Variants in RBFOX2 observed in about 807,000 individuals in gnomAD.
The protein encoded by RBFOX2 is RNA binding protein fox-1 homolog 2.
Under a neutral mutation model 49.1 loss-of-function variants are expected in RBFOX2, and 10 were observed. The observed-to-expected ratio is 0.20, with a 90% CI of 0.13 to 0.35. The LOEUF (loss-of-function observed/expected upper bound fraction) is 0.35, where lower values mean the gene tolerates loss of function less well. Ranked by LOEUF, RBFOX2 falls within the 10% of genes least tolerant of loss-of-function variation. The pLI is 1.00. For synonymous variants in RBFOX2, 183 were observed against 187.4 expected (o/e 0.98, Z 0.19); for missense variants, 323 against 486.9 (o/e 0.66, Z 3.17).
intron 4 of RBFOX2, among the ~76,000 whole-genome samples, chr22:35,775,647 C>G (rs1166386598): frequency 1.3e-5 from 2 of 151,902 alleles, no homozygotes; most frequent in Non-Finnish European, 2.9e-5. Flanking sequence ...TGAGACCAGC[C>G]TGGCCAACAT....
At chr22:35,819,315 T>C (rs950858318) in intron 1 of RBFOX2, among the ~76,000 whole-genome samples, 1 of 152,178 alleles carries the variant, frequency 6.6e-6, no homozygotes, top group African/African-American at 2.4e-5. Flanking sequence ...TTAAGATACA[T>C]ATAAGGCTAT....
At chr22:35,784,321 C>A (rs1475028412) in intron 2 of RBFOX2, among the ~76,000 whole-genome samples, 1 of 152,180 alleles carries the variant, frequency 6.6e-6, no homozygotes, top group South Asian at 2.1e-4. Flanking sequence ...CGAAGTCACA[C>A]CACTTCTGGA....
upstream of RBFOX2, among the ~76,000 whole-genome samples, chr22:35,941,771 G>A (rs1249732389): frequency 1.3e-5 from 2 of 152,118 alleles, no homozygotes; most frequent in Non-Finnish European, 2.9e-5. Flanking sequence ...AGCCAGTATT[G>A]TCAAAAACTT....
At chr22:35,821,471 C>T (rs1438645423) in intron 1 of RBFOX2, among the ~76,000 whole-genome samples, 7 of 151,836 alleles carry the variant, frequency 4.6e-5, no homozygotes. Context: ...TGGAGGACAC[C>T]TGCAATCCCA....
intron 1 of RBFOX2, among the ~76,000 whole-genome samples, chr22:36,007,085 A>G (rs999566753): frequency 6.6e-6 from 1 of 152,196 alleles, no homozygotes; most frequent in African/African-American, 2.4e-5. Context: ...CTTCTTCTCA[A>G]TCCACTTTAT....
chr22:35,840,348 C>T (rs551408435), exon 1 of RBFOX2: 11 of 1,557,816 alleles, frequency 7.1e-6, no homozygotes, highest in East Asian at 2.3e-5. Context: ...CTCTTTATAC[C>T]GTTTTCCTTC....
intron 1 of RBFOX2, among the ~76,000 whole-genome samples, chr22:35,983,637 C>CA (rs960569252): frequency 6.6e-6 from 1 of 152,026 alleles, no homozygotes; most frequent in Non-Finnish European, 1.5e-5. Context: ...TACGGCTACA[C>CA]AAAAAAATTT....
intron 4 of RBFOX2, among the ~76,000 whole-genome samples, chr22:35,771,477 A>C (rs1942660115): frequency 6.6e-6 from 1 of 152,156 alleles, no homozygotes; most frequent in Non-Finnish European, 1.5e-5. Flanking sequence ...TGTGAGAGCC[A>C]TTTTGGACTT....
upstream of RBFOX2, among the ~76,000 whole-genome samples, chr22:35,940,885 G>A (rs2053622963): frequency 6.6e-6 from 1 of 152,108 alleles, no homozygotes; most frequent in Non-Finnish European, 1.5e-5. Flanking sequence ...ATTATTCATA[G>A]AGGCAGAATA....
At chr22:35,860,823 A>T (rs1175141351) in intron 1 of RBFOX2, among the ~76,000 whole-genome samples, 1 of 152,210 alleles carries the variant, frequency 6.6e-6, no homozygotes, top group Admixed American at 6.5e-5. Context: ...TCAACACAGT[A>T]TATCTCTCCA....
intron 1 of RBFOX2, among the ~76,000 whole-genome samples, chr22:35,863,387 A>C (rs1300314499): frequency 6.6e-6 from 1 of 152,214 alleles, no homozygotes; most frequent in Non-Finnish European, 1.5e-5. Flanking sequence ...CAAAGCAGGC[A>C]ACATGTTCTC....
chr22:35,857,052 G>GA (rs2042596126), intron 1 of RBFOX2, among the ~76,000 whole-genome samples: 1 of 152,116 alleles, frequency 6.6e-6, no homozygotes, highest in Non-Finnish European at 1.5e-5. Flanking sequence ...AAAAGAGAAA[G>GA]AAATATGCAA....
intron 1 of RBFOX2, among the ~76,000 whole-genome samples, chr22:35,811,348 T>C (rs1951829528): frequency 6.6e-6 from 1 of 152,102 alleles, no homozygotes; most frequent in Admixed American, 6.6e-5. Flanking sequence ...ATTAAAGTGA[T>C]GTCATGAGGG....
chr22:35,972,190 G>T (rs1160980508), intron 1 of RBFOX2, among the ~76,000 whole-genome samples: 1 of 151,888 alleles, frequency 6.6e-6, no homozygotes, highest in Non-Finnish European at 1.5e-5. Flanking sequence ...TCATTTTGGG[G>T]TTTTTTAAAT....
chr22:35,765,901 C>A (rs1161238891), intron 5 of RBFOX2, among the ~76,000 whole-genome samples: 3 of 152,116 alleles, frequency 2.0e-5, no homozygotes, highest in Non-Finnish European at 4.4e-5. Flanking sequence ...TAAAATAAAT[C>A]TGATTTCACC....
At chr22:35,856,905 G>A (rs1240892625) in intron 1 of RBFOX2, among the ~76,000 whole-genome samples, 1 of 152,048 alleles carries the variant, frequency 6.6e-6, no homozygotes, top group Admixed American at 6.6e-5. Context: ...GGCCACGTGC[G>A]CCTGTAATCC....
intron 9 of RBFOX2, among the ~76,000 whole-genome samples, chr22:35,757,031 G>C (rs1050022075): frequency 3.3e-5 from 5 of 151,874 alleles, no homozygotes; most frequent in African/African-American, 1.2e-4. Flanking sequence ...AGATTTTAAG[G>C]GTTCTTTTTT....
rs530125004 is a variant in RBFOX2 at position 35,764,895 on chromosome 22, T to C, written c.607+528A>G. On this transcript the variant is annotated intron_variant, in intron 6 of 11. Coordinates refer to ENST00000405409, the Ensembl canonical transcript of RBFOX2. The stretch of plus-strand genomic sequence containing the variant: ...TGAGAAAAACTTATAAACCTTACTA[T>C]ATAATATGTAATCATGAAACAGAAA... Among the ~76,000 whole-genome samples the C allele has an allele frequency of 1.2e-4, 18 of 152,268 alleles. No homozygotes were observed. The South Asian group carries it at 2.9e-3, about 25-fold the overall frequency.
intron 1 of RBFOX2, among the ~76,000 whole-genome samples, chr22:35,853,752 G>A (rs1422327381): frequency 2.0e-5 from 3 of 151,442 alleles, no homozygotes; most frequent in African/African-American, 7.3e-5. Context: ...ATGGGGTGGT[G>A]GCTGGTTTTC....
Sources: gnomAD v4.1 joint callset for allele counts (sites outside exome capture counted in the v4.1 genomes callset) on GRCh38, gnomAD v4.1.1 for gene constraint, MANE v1.5 for transcripts, NCBI Gene and HGNC (gene_info 2026-07-23, HGNC 2026-07-21) for gene names.